SPTBN4: variants seen among roughly 807,000 people sequenced by gnomAD.
SPTBN4 encodes the protein spectrin beta chain, non-erythrocytic 4.
Under a neutral mutation model 277.8 loss-of-function variants are expected in SPTBN4, and 96 were observed. That is an observed-to-expected ratio of 0.35 (90% CI 0.29 to 0.41). The LOEUF (loss-of-function observed/expected upper bound fraction) is 0.41, where lower values mean the gene tolerates loss of function less well. Ranked by LOEUF, SPTBN4 falls within the 10% of genes least tolerant of loss-of-function variation. The pLI is 1.00. For missense variants in SPTBN4, 3,006 were observed against 3,595.7 expected (o/e 0.84, Z 4.19); for synonymous variants, 1,481 against 1,580.3 (o/e 0.94, Z 1.49).
Position 40,502,092 on chromosome 19 carries a change from G to A in SPTBN4, c.898-36G>A. The A allele has an allele frequency of 1.2e-6, 2 of 1,613,376 alleles. No homozygotes were observed. Among genetic ancestry groups the A allele is most frequent in the Admixed American group, 3.3e-5 (2 of 60,004 alleles). On this transcript the variant is annotated intron_variant, in intron 8 of 35. Coordinates refer to ENST00000598249, the MANE Select transcript of SPTBN4 (RefSeq NM_020971.3). This position sits in a 1 kb window ranked among gnomAD's most constrained non-coding sequence, Gnocchi z 4.9. The stretch of plus-strand genomic sequence containing the variant: ...CTGGAAGCTGGTGGCAGGCACGGGT[G>A]GGATGAGGCTGACCCCCCTTCCTCT...
At position 40,522,275 on chromosome 19, in the gene SPTBN4, G is replaced by A. The variant is rs548615691; in HGVS notation, c.3655-1162G>A. On this transcript the variant is annotated intron_variant, in intron 16 of 35. Coordinates refer to ENST00000598249, the MANE Select transcript of SPTBN4 (RefSeq NM_020971.3). ...ACTCCTGGGGTCAAGTGATCCTCCC[G>A]CCTCTGCCTCCCAAAGTGCTGGGAT... Among the ~76,000 whole-genome samples the A allele has an allele frequency of 8.6e-5, 13 of 151,266 alleles. No homozygotes were observed. The South Asian group carries it at 1.3e-3, about 15-fold the overall frequency.
intron 18 of SPTBN4, among the ~76,000 whole-genome samples, chr19:40,532,383 C>T (rs747775699): frequency 1.3e-5 from 2 of 151,904 alleles, no homozygotes; most frequent in Non-Finnish European, 2.9e-5. Context: ...GGACAGGGGA[C>T]AGGGGAGCAA....
chr19:40,487,090 G>A (rs1032109909), intron 2 of SPTBN4, among the ~76,000 whole-genome samples: 34 of 151,912 alleles, frequency 2.2e-4, no homozygotes, highest in African/African-American at 8.2e-4. Context: ...AGGCTGCAGT[G>A]CAGTGGCGTG....
intron 6 of SPTBN4, among the ~76,000 whole-genome samples, chr19:40,496,529 C>T (rs1345470489): frequency 6.6e-6 from 1 of 152,132 alleles, no homozygotes; most frequent in Non-Finnish European, 1.5e-5. Context: ...AGTGATCTGC[C>T]CAACTCAGCT....
At chr19:40,574,118 A>G (rs888229948) in intron 35 of SPTBN4, among the ~76,000 whole-genome samples, 1 of 59,296 alleles carries the variant, frequency 1.7e-5, no homozygotes, top group African/African-American at 5.0e-5. Context: ...AAACAAACAA[A>G]CAAAACAAAA....
At position 40,568,282 on chromosome 19, in the gene SPTBN4, G is replaced by T; in HGVS notation, c.6956G>T (p.Gly2319Val). Reference protein sequence around the residue: ...EMPIRGDLVKGKATLADIVEQ... With the variant: ...EMPIRGDLVKVKATLADIVEQ... ...CCCATCAGAGGAGACCTGGTCAAGGGGTGAGGTGCCCGCCTTATGACCAGA... is the reference window on the plus strand; with the variant it reads ...CCCATCAGAGGAGACCTGGTCAAGGTGTGAGGTGCCCGCCTTATGACCAGA... Residue 2319 changes from glycine (G) to valine (V), a missense_variant and splice_region_variant, in exon 31 of 36, where the codon GGG becomes GTG. Transcript: ENST00000598249. 6.2e-7 allele frequency: 1 copy of T among 1,601,410 alleles called. No homozygotes were observed. Among genetic ancestry groups the T allele is most frequent in the Non-Finnish European group, 8.5e-7 (1 of 1,174,230 alleles).
chr19:40,485,814 AAG>A (rs1298990408), intron 2 of SPTBN4, among the ~76,000 whole-genome samples: 1 of 152,052 alleles, frequency 6.6e-6, no homozygotes, highest in African/African-American at 2.4e-5. Flanking sequence ...TCAAAAAAAA[AAG>A]AGTAATCCTA....
At chr19:40,468,026 C>T (rs931918573) in intron 1 of SPTBN4, among the ~76,000 whole-genome samples, 22 of 151,624 alleles carry the variant, frequency 1.5e-4, no homozygotes, top group African/African-American at 3.2e-4. Context: ...ATGATCCCTG[C>T]ATTAATAACT....
rs758739023 is a variant in SPTBN4, at chr19:40,493,019, T to C, written c.552T>C (p.Asp184=). ...ACAGAGAGACACGCTCAGCCAAGGA[T>C]GCTCTGCTCTTGTGGTGTCAGATGA... ...EDNRETRSAK[D]ALLLWCQMKT... The change falls in exon 5 of 36, where the codon GAT becomes GAC. Residue 184 remains aspartate (D), a synonymous_variant. Transcript: ENST00000598249. 1.2e-6 allele frequency: 2 copies of C among 1,614,104 alleles called. No individual in the cohort carries two copies. Among genetic ancestry groups the C allele is most frequent in the East Asian group, 4.5e-5 (2 of 44,876 alleles).
Position 40,557,030 on chromosome 19 carries a change from A to G in SPTBN4, c.5297A>G (p.Gln1766Arg), listed in dbSNP as rs1197336764. 1 of 1,153,260 alleles carries G rather than the reference A, an allele frequency of 8.7e-7. No homozygotes were observed. The highest frequency in any genetic ancestry group is 1.2e-6 in the Non-Finnish European group (1 of 844,586). 71.4% of individuals were successfully genotyped at this position (1,153,260 alleles called of 1,614,324 possible). ...GQDFEHVSVLQEKFSEFASET... is the reference protein window; with the variant it reads ...GQDFEHVSVLREKFSEFASET... ...CCCACTTCCTGATGGCAGGTGCTGC[A>G]GGAGAAATTCTCAGAGTTTGCCAGC... Residue 1766 changes from glutamine to arginine, a missense_variant, in exon 26 of 36, where the codon CAG becomes CGG. By Grantham distance (43) the Gln-to-Arg change is conservative (BLOSUM62 1). Around this residue, in one of 5 missense-constraint regions of SPTBN4, gnomAD observed 425 missense variants for 594.7 expected, o/e 0.71. Transcript: ENST00000598249.
chr19:40,570,830 C>T, intron 33 of SPTBN4, 102 bp downstream of exon 33: 1 of 1,303,652 alleles, frequency 7.7e-7, no homozygotes, highest in Non-Finnish European at 1.0e-6. Flanking sequence ...ACTTCAGGCC[C>T]TCCAGCAGGT....
At chr19:40,542,271 C>G (rs146831756) in intron 20 of SPTBN4, among the ~76,000 whole-genome samples, 1 of 152,146 alleles carries the variant, frequency 6.6e-6, no homozygotes, top group Admixed American at 6.6e-5. Context: ...TTCCCGTGTT[C>G]CTCATGTCCT....
chr19:40,548,674 C>A (rs1255567667), intron 20 of SPTBN4, among the ~76,000 whole-genome samples: 2 of 151,026 alleles, frequency 1.3e-5, no homozygotes, highest in Non-Finnish European at 2.9e-5. Context: ...AAGATTACGC[C>A]ATTGCACTCC....
At chr19:40,543,008 AG>A (rs2080818977) in intron 20 of SPTBN4, among the ~76,000 whole-genome samples, 1 of 151,932 alleles carries the variant, frequency 6.6e-6, no homozygotes, top group South Asian at 2.1e-4. Context: ...TTCATTTCTG[AG>A]CACCGCTTTC....
At position 40,547,230 on chromosome 19, in the gene SPTBN4, C is replaced by T. The variant is rs560203981; in HGVS notation, c.4360-1959C>T. ...GTGTGTGATGTTCCCTGCCCTGTGT[C>T]CAAGTGTTCTCATTGTTCAGCTCCC... On this transcript the variant is annotated intron_variant, in intron 20 of 35. Coordinates refer to ENST00000598249, the MANE Select transcript of SPTBN4 (RefSeq NM_020971.3). Among the ~76,000 whole-genome samples the T allele has an allele frequency of 2.3e-3, 309 of 135,280 alleles. 2 individuals are homozygous for T. Among genetic ancestry groups the T allele is most frequent in the African/African-American group, 7.9e-3 (289 of 36,532 alleles). The allele number at this position is 135,280 out of a possible 152,430, so 88.7% of individuals were successfully genotyped here. A position where few individuals can be genotyped will look rare whatever the true frequency, so the allele number is the denominator to read the frequency against.
intron 19 of SPTBN4, among the ~76,000 whole-genome samples, chr19:40,533,596 C>T (rs527331074): frequency 6.6e-6 from 1 of 152,182 alleles, no homozygotes. Context: ...TGGCATATGG[C>T]GAAGGCAGTC....
chr19:40,567,044 A>G, intron 30 of SPTBN4: 2 of 448,314 alleles, frequency 4.5e-6, no homozygotes, highest in Non-Finnish European at 9.0e-6. Flanking sequence ...TCTCTTTGGA[A>G]GCCTAGGCGG....
chr19:40,498,017 A>C (rs2080220130), intron 7 of SPTBN4, among the ~76,000 whole-genome samples: 1 of 148,568 alleles, frequency 6.7e-6, no homozygotes, highest in South Asian at 2.1e-4. Flanking sequence ...CCCCATCTTC[A>C]AGTGTCTCCA....
rs1387043081 is a variant in SPTBN4, at chr19:40,497,498, C to T, written c.678C>T (p.Leu226=). 3.7e-6 allele frequency: 6 copies of T among 1,613,772 alleles called. No individual in the cohort carries two copies. The highest frequency in any genetic ancestry group is 2.2e-5 in the South Asian group (2 of 91,078). The change falls in exon 7 of 36, where the codon CTC becomes CTT. Residue 226 remains leucine, a synonymous_variant. Coordinates refer to ENST00000598249, the MANE Select transcript of SPTBN4 (RefSeq NM_020971.3). ...CTGTGCCCCTGCCCAGGCCTGATCT[C>T]GTGGACTTCAGCAAACTCACCAAGT... The part of the protein sequence containing the change: ...NALIHRHRPD[L]VDFSKLTKSN...
Sources: allele counts gnomAD v4.1 joint callset (sites outside exome capture counted in the v4.1 genomes callset), GRCh38; gene constraint gnomAD v4.1.1; regional missense constraint gnomAD v4.1.1; non-coding constraint Gnocchi (gnomAD v3.1); transcripts MANE v1.5; gene names NCBI Gene and HGNC (gene_info 2026-07-23, HGNC 2026-07-21).